Variants in ADAMTSL1 observed in about 807,000 individuals in gnomAD.
ADAMTSL1 encodes the protein ADAMTS-like protein 1.
A neutral mutation model predicts 201.8 loss-of-function variants in ADAMTSL1; 126 were observed. The ratio of observed to expected loss-of-function variants is 0.62; its 90% CI spans 0.54 to 0.72. ADAMTSL1 has a LOEUF of 0.72. ADAMTSL1 is among the 30% of genes least tolerant of loss of function. The probability of loss-of-function intolerance (pLI) is 0.00; values close to 1 mark genes in which losing one functional copy is unlikely to be tolerated. For synonymous variants in ADAMTSL1, 1,121 were observed against 903.4 expected (o/e 1.24, Z -4.32); for missense variants, 2,679 against 2,277.8 (o/e 1.18, Z -3.59).
At chr9:18,568,390 TC>T in intron 3 of ADAMTSL1, among the ~76,000 whole-genome samples, 1 of 152,206 alleles carries the variant, frequency 6.6e-6, no homozygotes, top group Non-Finnish European at 1.5e-5. Flanking sequence ...GGATATATTT[TC>T]CAGAACATTT....
intron 1 of ADAMTSL1, chr9:18,163,835 C>T (rs1389293424): frequency 6.6e-6 from 1 of 152,026 alleles, no homozygotes; most frequent in Non-Finnish European, 1.5e-5. Context: ...TGTCTGAAGG[C>T]TTAATTCAGC....
At chr9:18,861,597 G>A (rs1280851053) in intron 23 of ADAMTSL1, among the ~76,000 whole-genome samples, 7 of 152,212 alleles carry the variant, frequency 4.6e-5, no homozygotes, top group African/African-American at 1.7e-4. Context: ...ACAAATAGCA[G>A]GCATTTGGAC....
intron 1 of ADAMTSL1, among the ~76,000 whole-genome samples, chr9:18,083,142 A>G (rs1039948349): frequency 3.9e-5 from 6 of 152,210 alleles, no homozygotes; most frequent in Non-Finnish European, 5.9e-5. Flanking sequence ...GTGGGGCAAG[A>G]CATGAAACTG....
At chr9:18,011,052 T>A (rs1268259140) in intron 1 of ADAMTSL1, among the ~76,000 whole-genome samples, 1 of 151,948 alleles carries the variant, frequency 6.6e-6, no homozygotes, top group Non-Finnish European at 1.5e-5. Flanking sequence ...TAGAACACAG[T>A]CTTATATATC....
chr9:18,871,433 C>T (rs1827865397), intron 23 of ADAMTSL1, among the ~76,000 whole-genome samples: 1 of 152,124 alleles, frequency 6.6e-6, no homozygotes, highest in East Asian at 1.9e-4. Flanking sequence ...TCACTGAATT[C>T]TAGAGTTCTT....
intron 2 of ADAMTSL1, among the ~76,000 whole-genome samples, chr9:18,376,411 G>A (rs1214354250): frequency 6.6e-6 from 1 of 152,094 alleles, no homozygotes; most frequent in Non-Finnish European, 1.5e-5. Context: ...GTGAATTGAG[G>A]GAATGAAGAG....
intron 1 of ADAMTSL1, among the ~76,000 whole-genome samples, chr9:18,492,466 A>G (rs1822314397): frequency 6.6e-6 from 1 of 152,182 alleles, no homozygotes; most frequent in African/African-American, 2.4e-5. Flanking sequence ...GATGCAGAAA[A>G]TTGTATTAGC....
intron 23 of ADAMTSL1, among the ~76,000 whole-genome samples, chr9:18,850,859 G>A (rs974992546): frequency 1.3e-5 from 2 of 152,120 alleles, no homozygotes; most frequent in Non-Finnish European, 2.9e-5. Context: ...GCCAATCTCA[G>A]GTAAATTAAG....
chr9:18,212,160 C>G (rs1205449352), intron 2 of ADAMTSL1, among the ~76,000 whole-genome samples: 1 of 152,114 alleles, frequency 6.6e-6, no homozygotes, highest in Non-Finnish European at 1.5e-5. Flanking sequence ...GTCTTGCGCC[C>G]ATGTTTAATC....
intron 2 of ADAMTSL1, among the ~76,000 whole-genome samples, chr9:18,242,299 C>A (rs1016143108): frequency 1.3e-5 from 2 of 152,026 alleles, no homozygotes; most frequent in Non-Finnish European, 2.9e-5. Context: ...AAGCATTCAA[C>A]AAAGTCAAAA....
chr9:18,265,212 G>T (rs866462074), intron 2 of ADAMTSL1, among the ~76,000 whole-genome samples: 1 of 152,074 alleles, frequency 6.6e-6, no homozygotes, highest in East Asian at 1.9e-4. Context: ...AATATGCCAG[G>T]CCTGTTGTAC....
intron 2 of ADAMTSL1, among the ~76,000 whole-genome samples, chr9:18,280,824 T>C (rs1832756538): frequency 6.6e-6 from 1 of 152,024 alleles, no homozygotes; most frequent in Non-Finnish European, 1.5e-5. Flanking sequence ...CTGAGACAAA[T>C]ATTTAAGGCT....
chr9:18,282,443 T>C (rs1207470912), intron 2 of ADAMTSL1, among the ~76,000 whole-genome samples: 1 of 152,250 alleles, frequency 6.6e-6, no homozygotes, highest in Admixed American at 6.5e-5. Flanking sequence ...TACTTTGAAT[T>C]GTAACAATAT....
At chr9:18,119,043 G>T (rs1733208777) in intron 1 of ADAMTSL1, among the ~76,000 whole-genome samples, 1 of 152,130 alleles carries the variant, frequency 6.6e-6, no homozygotes, top group Non-Finnish European at 1.5e-5. Flanking sequence ...ATGTGACTCT[G>T]AGCAAGTTAC....
chr9:18,375,391 C>T (rs1160252823), intron 2 of ADAMTSL1, among the ~76,000 whole-genome samples: 4 of 151,982 alleles, frequency 2.6e-5, no homozygotes, highest in Non-Finnish European at 5.9e-5. Flanking sequence ...ATGTGCACAA[C>T]GTTCAGGTTT....
intron 1 of ADAMTSL1, among the ~76,000 whole-genome samples, chr9:18,127,741 G>A (rs1181671944): frequency 6.6e-6 from 1 of 152,154 alleles, no homozygotes; most frequent in Middle Eastern, 3.2e-3. Context: ...GGGGAGGTGT[G>A]TGTTGGTTTG....
chr9:17,929,766 C>T (rs1826703116), intron 1 of ADAMTSL1, among the ~76,000 whole-genome samples: 1 of 152,196 alleles, frequency 6.6e-6, no homozygotes, highest in African/African-American at 2.4e-5. Context: ...CCCTGGACTT[C>T]CTTCTGTGTT....
At chr9:18,757,181 C>T (rs555780406) in intron 16 of ADAMTSL1, among the ~76,000 whole-genome samples, 54 of 152,228 alleles carry the variant, frequency 3.5e-4, no homozygotes, top group South Asian at 1.0e-3. Context: ...TTTATCCTTA[C>T]CAATTTATTA....
intron 15 of ADAMTSL1, among the ~76,000 whole-genome samples, chr9:18,740,934 G>A (rs1386387950): frequency 6.6e-6 from 1 of 152,016 alleles, no homozygotes; most frequent in African/African-American, 2.4e-5. Context: ...ACTCAGTCTG[G>A]ATATCACCAA....
Sources: allele counts gnomAD v4.1 joint callset (sites outside exome capture counted in the v4.1 genomes callset), GRCh38; gene constraint gnomAD v4.1.1; transcripts MANE v1.5; gene names NCBI Gene and HGNC (gene_info 2026-07-23, HGNC 2026-07-21).